Variants in CSNK2A2IP observed in about 807,000 individuals in gnomAD.
The protein encoded by CSNK2A2IP is casein kinase 2 subunit alpha' interacting protein, also known as casein kinase II subunit alpha'-interacting protein.
At chr3:88,453,433 C>G in the CSNK2A2IP span, among the ~76,000 whole-genome samples, 1 of 151,944 alleles carries the variant, frequency 6.6e-6, no homozygotes, top group Non-Finnish European at 1.5e-5. Context: ...GTAGAAGCTG[C>G]TAGAAAATTA....
chr3:88,449,818 GAGACACACAC>G, the CSNK2A2IP span, among the ~76,000 whole-genome samples: 1,901 of 59,780 alleles, frequency 0.032, 23 homozygotes, highest in Non-Finnish European at 0.046. Context: ...TTTTTATATC[GAGACACACAC>G]ACACACACAC....
the CSNK2A2IP span, among the ~76,000 whole-genome samples, chr3:88,410,823 T>G: frequency 6.6e-6 from 1 of 151,980 alleles, no homozygotes; most frequent in African/African-American, 2.4e-5. Context: ...AACTTGATGT[T>G]GGGTATCCAA....
the CSNK2A2IP span, among the ~76,000 whole-genome samples, chr3:88,421,794 C>T: frequency 6.6e-6 from 1 of 152,268 alleles, no homozygotes; most frequent in East Asian, 1.9e-4. Context: ...ACTCCACCAA[C>T]ACAGCACAGC....
the CSNK2A2IP span, among the ~76,000 whole-genome samples, chr3:88,381,285 G>A: frequency 1.3e-5 from 2 of 152,140 alleles, no homozygotes; most frequent in Non-Finnish European, 2.9e-5. Flanking sequence ...AAAGGGCAGA[G>A]GACAATTAGT....
At chr3:88,396,574 G>T in the CSNK2A2IP span, among the ~76,000 whole-genome samples, 1 of 152,160 alleles carries the variant, frequency 6.6e-6, no homozygotes, top group Non-Finnish European at 1.5e-5. Flanking sequence ...CATGAGAAAC[G>T]ACCTGTGGTG....
At chr3:88,371,225 G>T in the CSNK2A2IP span, among the ~76,000 whole-genome samples, 2 of 151,814 alleles carry the variant, frequency 1.3e-5, no homozygotes, top group South Asian at 2.1e-4. Context: ...CTGATTGCAA[G>T]TGGGTCAGAA....
the CSNK2A2IP span, among the ~76,000 whole-genome samples, chr3:88,445,275 CAAAAA>C: frequency 1.3e-4 from 6 of 47,772 alleles, no homozygotes; most frequent in South Asian, 1.2e-3. Flanking sequence ...GTAAAAATAC[CAAAAA>C]AAAAAAAAAA....
At chr3:88,352,738 C>T in the CSNK2A2IP span, among the ~76,000 whole-genome samples, 1 of 151,826 alleles carries the variant, frequency 6.6e-6, no homozygotes, top group Admixed American at 6.6e-5. Flanking sequence ...GATATCACAC[C>T]CCGCTTAATT....
chr3:88,359,316 CA>C, the CSNK2A2IP span, among the ~76,000 whole-genome samples: 2 of 149,648 alleles, frequency 1.3e-5, no homozygotes, highest in South Asian at 2.2e-4. Flanking sequence ...TTTATCTTTT[CA>C]AAAAACAAAA....
the CSNK2A2IP span, among the ~76,000 whole-genome samples, chr3:88,429,424 A>G: frequency 6.6e-6 from 1 of 152,150 alleles, no homozygotes; most frequent in Non-Finnish European, 1.5e-5. Context: ...CCTTTTCCCA[A>G]TTCTGTGGCT....
At chr3:88,413,240 A>G in the CSNK2A2IP span, among the ~76,000 whole-genome samples, 2 of 152,018 alleles carry the variant, frequency 1.3e-5, no homozygotes, top group Non-Finnish European at 2.9e-5. Flanking sequence ...TTGAAAAAAC[A>G]TCAGATATAT....
At chr3:88,466,538 G>C in the CSNK2A2IP span, 1 of 1,231,772 alleles carries the variant, frequency 8.1e-7, no homozygotes, top group Non-Finnish European at 1.0e-6. Flanking sequence ...AGACTCCAGA[G>C]TAAAAGCAGC....
the CSNK2A2IP span, among the ~76,000 whole-genome samples, chr3:88,359,790 T>C: frequency 9.7e-3 from 1,476 of 152,306 alleles, 10 homozygotes; most frequent in Non-Finnish European, 0.013. Flanking sequence ...TATCTTAAGG[T>C]ATGTCCTTGA....
the CSNK2A2IP span, among the ~76,000 whole-genome samples, chr3:88,456,509 T>C: frequency 2.0e-5 from 3 of 152,126 alleles, no homozygotes; most frequent in Non-Finnish European, 4.4e-5. Context: ...TTGCTGTTAA[T>C]GTATAAAAAT....
chr3:88,351,757 A>G, the CSNK2A2IP span, among the ~76,000 whole-genome samples: 1 of 152,156 alleles, frequency 6.6e-6, no homozygotes, highest in Non-Finnish European at 1.5e-5. Flanking sequence ...TTAGCTACAA[A>G]GATGTATTTA....
At chr3:88,367,464 A>T in the CSNK2A2IP span, among the ~76,000 whole-genome samples, 1 of 152,232 alleles carries the variant, frequency 6.6e-6, no homozygotes, top group Admixed American at 6.5e-5. Flanking sequence ...TTCATGCATT[A>T]TTGTCCTACA....
chr3:88,409,614 G>A, the CSNK2A2IP span, among the ~76,000 whole-genome samples: 4 of 152,006 alleles, frequency 2.6e-5, no homozygotes, highest in Admixed American at 6.6e-5. Flanking sequence ...TTAACAGAAT[G>A]TATAGGGACA....
the CSNK2A2IP span, among the ~76,000 whole-genome samples, chr3:88,386,375 C>G: frequency 6.6e-6 from 1 of 152,200 alleles, no homozygotes; most frequent in African/African-American, 2.4e-5. Flanking sequence ...ATCCACCTGC[C>G]TCGGCCTCTC....
chr3:88,372,264 T>A, the CSNK2A2IP span, among the ~76,000 whole-genome samples: 1 of 151,694 alleles, frequency 6.6e-6, no homozygotes. Flanking sequence ...ATTACTTTTA[T>A]GCAAAAGTTT....
Sources: allele counts gnomAD v4.1 joint callset (sites outside exome capture counted in the v4.1 genomes callset), GRCh38; gene constraint gnomAD v4.1.1; transcripts MANE v1.5; gene names NCBI Gene and HGNC (gene_info 2026-07-23, HGNC 2026-07-21).